The following RAB38 variants were observed in gnomAD, a reference collection of about 807,000 sequenced individuals.
RAB38 encodes the protein RAB38, member RAS oncogene family.
A neutral mutation model predicts 18.4 loss-of-function variants in RAB38; 15 were observed. The observed-to-expected ratio is 0.82, with a 90% CI of 0.55 to 1.26. The LOEUF is 1.26. RAB38 is among the 50% of genes most tolerant of loss of function. The pLI is 0.00. For synonymous variants in RAB38, 101 were observed against 104.4 expected (o/e 0.97, Z 0.20); for missense variants, 294 against 267.4 (o/e 1.10, Z -0.69).
chr11:88,031,258 C>T, the RAB38 span, among the ~76,000 whole-genome samples: 2 of 151,868 alleles, frequency 1.3e-5, no homozygotes, highest in East Asian at 1.9e-4. Context: ...TATGACAAAC[C>T]CACAGCCAAC....
the RAB38 span, among the ~76,000 whole-genome samples, chr11:87,889,327 C>G: frequency 6.6e-6 from 1 of 152,012 alleles, no homozygotes; most frequent in South Asian, 2.1e-4. Context: ...CCTCCCAAAT[C>G]CAAACCACAT....
chr11:87,882,473 A>G, the RAB38 span, among the ~76,000 whole-genome samples: 1 of 151,884 alleles, frequency 6.6e-6, no homozygotes, highest in African/African-American at 2.4e-5. Context: ...AGGACTATCA[A>G]TCTGCAGATT....
At chr11:87,813,129 G>A in the RAB38 span, among the ~76,000 whole-genome samples, 1 of 152,100 alleles carries the variant, frequency 6.6e-6, no homozygotes, top group Non-Finnish European at 1.5e-5. Context: ...TCTCTGGGAG[G>A]GACCCTAATT....
chr11:88,124,727 T>C (rs1224350509), intron 2 of RAB38, among the ~76,000 whole-genome samples: 1 of 152,330 alleles, frequency 6.6e-6, no homozygotes, highest in South Asian at 2.1e-4. Flanking sequence ...CTTTCAGATA[T>C]GGAATAAAAC....
At chr11:88,110,681 C>G (rs6482997), downstream of RAB38, among the ~76,000 whole-genome samples, 15,560 of 151,454 alleles carry the variant, frequency 0.1, 1,618 homozygotes, top group African/African-American at 0.27. Context: ...GCCGGGTGTG[C>G]TGGCGCATGC....
chr11:87,891,437 A>C, the RAB38 span, among the ~76,000 whole-genome samples: 39 of 151,870 alleles, frequency 2.6e-4, no homozygotes, highest in Admixed American at 2.5e-3. Flanking sequence ...TTCATTGATC[A>C]GTCAGATTTT....
the RAB38 span, among the ~76,000 whole-genome samples, chr11:88,083,114 G>T: frequency 6.6e-6 from 1 of 151,754 alleles, no homozygotes; most frequent in Non-Finnish European, 1.5e-5. Flanking sequence ...CTTCTAGATA[G>T]ATGCAAGGCT....
At chr11:87,807,330 C>G in the RAB38 span, among the ~76,000 whole-genome samples, 1 of 152,192 alleles carries the variant, frequency 6.6e-6, no homozygotes, top group Non-Finnish European at 1.5e-5. Flanking sequence ...CACAGATGAC[C>G]TAATACAAGG....
At chr11:87,815,225 T>G in the RAB38 span, 1 of 152,180 alleles carries the variant, frequency 6.6e-6, no homozygotes, top group Non-Finnish European at 1.5e-5. Flanking sequence ...ATATTATGCT[T>G]TGTTGTTGAG....
chr11:88,100,281 A>G, the RAB38 span, among the ~76,000 whole-genome samples: 2 of 151,954 alleles, frequency 1.3e-5, no homozygotes, highest in African/African-American at 2.4e-5. Context: ...GATGCCATAA[A>G]TTCTGATTCA....
the RAB38 span, among the ~76,000 whole-genome samples, chr11:88,085,679 C>A: frequency 6.6e-6 from 1 of 151,874 alleles, no homozygotes; most frequent in African/African-American, 2.4e-5. Context: ...GATCACTTGT[C>A]TTTGTAAACC....
chr11:88,006,969 T>C, the RAB38 span, among the ~76,000 whole-genome samples: 2 of 151,662 alleles, frequency 1.3e-5, no homozygotes, highest in African/African-American at 4.8e-5. Context: ...TATTTCAAAA[T>C]ACCTAAAGGA....
chr11:88,174,637 A>AAAAAAAAAAAAAAAAC (rs1555014231), intron 1 of RAB38, among the ~76,000 whole-genome samples: 14 of 133,712 alleles, frequency 1.0e-4, no homozygotes, highest in African/African-American at 1.4e-4. Context: ...AAAAAAAAAA[A>AAAAAAAAAAAAAAAAC]AAAACAAAAC....
the RAB38 span, among the ~76,000 whole-genome samples, chr11:88,010,329 T>C: frequency 1.3e-5 from 2 of 152,186 alleles, no homozygotes; most frequent in African/African-American, 4.8e-5. Context: ...CCAGCTCAAG[T>C]TCTATAAGAG....
intron 2 of RAB38, among the ~76,000 whole-genome samples, chr11:88,122,582 A>G (rs986091114): frequency 6.6e-6 from 1 of 152,238 alleles, no homozygotes; most frequent in Non-Finnish European, 1.5e-5. Flanking sequence ...CATGCCATGT[A>G]TGTTACATAC....
intron 1 of RAB38, among the ~76,000 whole-genome samples, chr11:88,171,551 T>C (rs944393002): frequency 1.3e-5 from 2 of 152,228 alleles, no homozygotes; most frequent in African/African-American, 4.8e-5. Flanking sequence ...TTAAGGACAG[T>C]AGAGCAAATC....
the RAB38 span, among the ~76,000 whole-genome samples, chr11:88,069,217 C>T: frequency 8.5e-5 from 13 of 152,184 alleles, no homozygotes; most frequent in Non-Finnish European, 1.0e-4. Context: ...GAGGGGGTGC[C>T]GGGTCCCCCA....
intron 2 of RAB38, among the ~76,000 whole-genome samples, chr11:88,139,971 G>A (rs1942886210): frequency 6.6e-6 from 1 of 152,194 alleles, no homozygotes; most frequent in Non-Finnish European, 1.5e-5. Context: ...ACTCAAATGA[G>A]AGATACATGT....
the RAB38 span, among the ~76,000 whole-genome samples, chr11:87,826,729 A>C: frequency 2.0e-5 from 3 of 152,136 alleles, no homozygotes; most frequent in Non-Finnish European, 4.4e-5. Context: ...AATTTTGTTC[A>C]AGTTCATTTG....
Sources: allele counts gnomAD v4.1 joint callset (sites outside exome capture counted in the v4.1 genomes callset), GRCh38; gene constraint gnomAD v4.1.1; transcripts MANE v1.5; gene names NCBI Gene and HGNC (gene_info 2026-07-23, HGNC 2026-07-21).